ADGRV1: variants seen among roughly 807,000 people sequenced by gnomAD.
ADGRV1 encodes G-protein coupled receptor 98.
Under a neutral mutation model 596.2 loss-of-function variants are expected in ADGRV1, and 359 were observed. The observed-to-expected ratio is 0.60, with a 90% CI of 0.55 to 0.66. The LOEUF is 0.66. Ranked by LOEUF, ADGRV1 falls within the 30% of genes least tolerant of loss-of-function variation. The pLI is 0.00. For synonymous variants in ADGRV1, 2,681 were observed against 2,679.2 expected (o/e 1.00, Z -0.02); for missense variants, 7,274 against 7,575.6 (o/e 0.96, Z 1.48).
At chr5:90,607,335 G>A (rs1762228126) in intron 1 of ADGRV1, among the ~76,000 whole-genome samples, 1 of 152,098 alleles carries the variant, frequency 6.6e-6, no homozygotes. Context: ...GGAGAAAACT[G>A]CTGCAGGAGA....
At chr5:91,145,656 A>G (rs556954012) in intron 87 of ADGRV1, among the ~76,000 whole-genome samples, 3 of 152,208 alleles carry the variant, frequency 2.0e-5, no homozygotes, top group African/African-American at 7.2e-5. Flanking sequence ...CCAAAAAAAA[A>G]AACAACTCTA....
chr5:90,767,607 A>G (rs1757277845), intron 59 of ADGRV1, among the ~76,000 whole-genome samples: 1 of 152,194 alleles, frequency 6.6e-6, no homozygotes, highest in South Asian at 2.1e-4. Context: ...CATTAAAAAC[A>G]TTAAAAGCTC....
chr5:91,159,427 T>A (rs1355636536), intron 89 of ADGRV1, among the ~76,000 whole-genome samples: 2 of 152,204 alleles, frequency 1.3e-5, no homozygotes, highest in East Asian at 3.8e-4. Context: ...TTGTTTGATC[T>A]AAAATAGAAG....
intron 83 of ADGRV1, among the ~76,000 whole-genome samples, chr5:90,872,288 A>T (rs1477764939): frequency 6.6e-6 from 1 of 152,028 alleles, no homozygotes; most frequent in Non-Finnish European, 1.5e-5. Context: ...ATAGTTTTTA[A>T]GAGTTTTTTT....
At chr5:90,707,487 C>G (rs932925309) in intron 38 of ADGRV1, among the ~76,000 whole-genome samples, 2 of 152,084 alleles carry the variant, frequency 1.3e-5, no homozygotes, top group Non-Finnish European at 2.9e-5. Flanking sequence ...CATCTACCAA[C>G]TGAAGTCAGT....
chr5:90,954,294 C>T (rs1424228963), intron 83 of ADGRV1, among the ~76,000 whole-genome samples: 2 of 151,458 alleles, frequency 1.3e-5, no homozygotes, highest in Non-Finnish European at 2.9e-5. Context: ...TATGTGCTCA[C>T]TAAATGTTGG....
At chr5:90,980,640 G>A (rs748494885) in intron 84 of ADGRV1, among the ~76,000 whole-genome samples, 19 of 152,142 alleles carry the variant, frequency 1.2e-4, no homozygotes, top group Non-Finnish European at 1.9e-4. Flanking sequence ...AGCAGAAAAC[G>A]TGTAAGATAA....
chr5:91,094,539 G>A (rs936361850), intron 86 of ADGRV1, among the ~76,000 whole-genome samples: 6 of 151,906 alleles, frequency 3.9e-5, no homozygotes, highest in Non-Finnish European at 8.8e-5. Flanking sequence ...CTCTACCTAC[G>A]AAGCTGTCAA....
At chr5:91,052,900 T>G (rs1490070043) in intron 85 of ADGRV1, among the ~76,000 whole-genome samples, 1 of 152,196 alleles carries the variant, frequency 6.6e-6, no homozygotes, top group Non-Finnish European at 1.5e-5. Context: ...AACATGCTTC[T>G]ATAGTATTCT....
chr5:90,663,647 T>C (rs1770782510), intron 21 of ADGRV1, among the ~76,000 whole-genome samples: 1 of 152,254 alleles, frequency 6.6e-6, no homozygotes, highest in African/African-American at 2.4e-5. Context: ...TTGTCTTTTG[T>C]TGCCATTGCT....
intron 85 of ADGRV1, among the ~76,000 whole-genome samples, chr5:91,014,614 A>T (rs1783027315): frequency 1.3e-5 from 1 of 79,444 alleles, no homozygotes; most frequent in Non-Finnish European, 2.4e-5. Context: ...ATCCTGATTC[A>T]GTCTTGGGAA....
intron 1 of ADGRV1, among the ~76,000 whole-genome samples, chr5:90,575,251 T>G (rs1271800720): frequency 6.6e-6 from 1 of 151,952 alleles, no homozygotes; most frequent in African/African-American, 2.4e-5. Flanking sequence ...TTTTATTTTG[T>G]GTTATGTTAT....
chr5:90,897,530 C>T (rs1275991110), intron 83 of ADGRV1, among the ~76,000 whole-genome samples: 1 of 152,074 alleles, frequency 6.6e-6, no homozygotes, highest in African/African-American at 2.4e-5. Flanking sequence ...CAGTGCTTAG[C>T]ACTCAACAAA....
chr5:90,964,381 G>A (rs1244250801), intron 83 of ADGRV1, among the ~76,000 whole-genome samples: 1 of 152,016 alleles, frequency 6.6e-6, no homozygotes, highest in Non-Finnish European at 1.5e-5. Flanking sequence ...TCCAGGCATA[G>A]TGGTACCCTC....
chr5:90,597,402 G>T (rs571789639), intron 1 of ADGRV1, among the ~76,000 whole-genome samples: 1 of 152,156 alleles, frequency 6.6e-6, no homozygotes, highest in Non-Finnish European at 1.5e-5. Context: ...TATTTAAGAA[G>T]GTTATTTAGT....
chr5:90,791,111 A>G lies in ADGRV1; in HGVS notation c.14282A>G (p.His4761Arg), dbSNP rs1475489417. Residue 4761 changes from histidine to arginine, a missense_variant, in exon 70 of 90, where the codon CAT (histidine) becomes CGT (arginine). His to Arg is a conservative substitution (Grantham distance 29). Transcript: ENST00000405460. ...WFSVYANDDP[H>R]GVFALYSDRQ... ...TCTGTTTATGCAAATGATGACCCAC[A>G]TGGAGTATTTGCCCTGTATTCGGAT... The G allele has an allele frequency of 1.2e-6, 2 of 1,613,944 alleles. No homozygotes were observed. Among genetic ancestry groups the G allele is most frequent in the Admixed American group, 1.7e-5 (1 of 60,008 alleles).
chr5:91,081,965 C>T (rs1789425634), intron 86 of ADGRV1, among the ~76,000 whole-genome samples: 1 of 152,156 alleles, frequency 6.6e-6, no homozygotes, highest in African/African-American at 2.4e-5. Context: ...GAGTTCATCA[C>T]TTATGGTGAT....
intron 85 of ADGRV1, 109 bp downstream of exon 85, chr5:90,985,631 C>A: frequency 1.3e-6 from 1 of 758,420 alleles, no homozygotes; most frequent in Non-Finnish European, 2.2e-6. Context: ...TGCTTTTCTG[C>A]CACAGTGTCT....
chr5:90,883,885 G>A (rs989245427), intron 83 of ADGRV1, among the ~76,000 whole-genome samples: 5 of 152,172 alleles, frequency 3.3e-5, no homozygotes, highest in Non-Finnish European at 7.3e-5. Context: ...TGAGCTGGAA[G>A]GTTGTAGTTT....
Sources: gnomAD v4.1 joint callset for allele counts (sites outside exome capture counted in the v4.1 genomes callset) on GRCh38, gnomAD v4.1.1 for gene constraint, MANE v1.5 for transcripts, NCBI Gene and HGNC (gene_info 2026-07-23, HGNC 2026-07-21) for gene names.